The following SEMA3A variants were observed in gnomAD, a reference collection of about 807,000 sequenced individuals.
SEMA3A encodes the protein semaphorin 3A, also known as semaphorin-3A.
SEMA3A carries 29 observed loss-of-function variants against 97.9 expected under a neutral mutation model. The observed-to-expected ratio is 0.30, with a 90% CI of 0.22 to 0.40. SEMA3A has a LOEUF of 0.40. Ranked by LOEUF, SEMA3A falls within the 10% of genes least tolerant of loss-of-function variation. The pLI is 1.00. For missense variants in SEMA3A, 763 were observed against 951.3 expected (o/e 0.80, Z 2.60); for synonymous variants, 321 against 323.7 (o/e 0.99, Z 0.09).
chr7:84,136,152 G>T (rs1222867776), intron 1 of SEMA3A, among the ~76,000 whole-genome samples: 1 of 152,060 alleles, frequency 6.6e-6, no homozygotes, highest in African/African-American at 2.4e-5. Context: ...GATTTTTCGG[G>T]TGCACACTTA....
intron 1 of SEMA3A, among the ~76,000 whole-genome samples, chr7:84,414,042 C>T (rs563948805): frequency 6.6e-6 from 1 of 152,174 alleles, no homozygotes; most frequent in Admixed American, 6.6e-5. Context: ...TTTCTGATTA[C>T]TCTATTAACT....
At chr7:84,054,887 G>A (rs1279125019) in intron 5 of SEMA3A, among the ~76,000 whole-genome samples, 11 of 151,254 alleles carry the variant, frequency 7.3e-5, no homozygotes, top group African/African-American at 2.4e-4. Flanking sequence ...TTTTTGGTGT[G>A]GATGTCCTTT....
intron 5 of SEMA3A, among the ~76,000 whole-genome samples, chr7:84,055,533 G>C (rs11974396): frequency 6.6e-6 from 1 of 152,184 alleles, no homozygotes; most frequent in African/African-American, 2.4e-5. Flanking sequence ...TGCGCTTCCC[G>C]AGTGAGGCTA....
intron 1 of SEMA3A, among the ~76,000 whole-genome samples, chr7:84,488,225 TAG>T (rs1806629679): frequency 6.6e-6 from 1 of 151,996 alleles, no homozygotes; most frequent in Non-Finnish European, 1.5e-5. Context: ...TGTTTTTCAC[TAG>T]AGAGACATAC....
intron 4 of SEMA3A, among the ~76,000 whole-genome samples, chr7:84,088,343 ACTC>A (rs1335085942): frequency 2.0e-5 from 3 of 151,850 alleles, no homozygotes; most frequent in Non-Finnish European, 4.4e-5. Flanking sequence ...AGTCCCAACT[ACTC>A]AGGAAGCTGA....
intron 5 of SEMA3A, among the ~76,000 whole-genome samples, chr7:84,054,332 C>T (rs1370423499): frequency 1.1e-4 from 17 of 152,182 alleles, no homozygotes; most frequent in Non-Finnish European, 2.4e-4. Flanking sequence ...CCATTCTCCC[C>T]GTCACTTTCA....
chr7:84,346,945 A>T (rs1584254700), intron 2 of SEMA3A, among the ~76,000 whole-genome samples: 1 of 152,348 alleles, frequency 6.6e-6, no homozygotes, highest in Admixed American at 6.5e-5. Context: ...GCAAATGAGC[A>T]TATGAAAAGA....
intron 12 of SEMA3A, among the ~76,000 whole-genome samples, chr7:83,992,670 T>C (rs7808766): frequency 0.8 from 119,629 of 150,400 alleles, 47,863 homozygotes; most frequent in East Asian, 0.88. Context: ...TTGATTGCAC[T>C]GTGGTCTGAG....
At chr7:84,352,760 T>C (rs2116031310) in intron 2 of SEMA3A, among the ~76,000 whole-genome samples, 1 of 151,926 alleles carries the variant, frequency 6.6e-6, no homozygotes, top group Non-Finnish European at 1.5e-5. Flanking sequence ...CAATATACTG[T>C]TGTATTCTAA....
intron 15 of SEMA3A, among the ~76,000 whole-genome samples, chr7:83,976,056 G>C (rs1789138047): frequency 6.6e-6 from 1 of 152,096 alleles, no homozygotes. Flanking sequence ...CGAAACACTG[G>C]CTTTATTCAT....
Position 84,046,344 on chromosome 7 carries a change from T to C in SEMA3A, c.647A>G (p.His216Arg), listed in dbSNP as rs1792348032. 2 of 1,613,038 alleles carry C rather than the reference T, an allele frequency of 1.2e-6. No homozygotes were observed. Among genetic ancestry groups the C allele is most frequent in the African/African-American group, 1.3e-5 (1 of 74,850 alleles). ...CCTACCATTGAGCCACCTGGAATCATGCTGCTCTGTCCTGATTGGGTGGTG... is the reference window on the plus strand; with the variant it reads ...CCTACCATTGAGCCACCTGGAATCACGCTGCTCTGTCCTGATTGGGTGGTG... ...GHHHPIRTEQHDSRWLNDPKF... is the reference protein window; with the variant it reads ...GHHHPIRTEQRDSRWLNDPKF... The change falls in exon 6 of 17, where the codon CAT (histidine) becomes CGT (arginine). Residue 216 changes from histidine (H) to arginine (R), a missense_variant. Transcript: ENST00000265362.
chr7:84,340,687 G>A (rs1027135483), intron 2 of SEMA3A, among the ~76,000 whole-genome samples: 1 of 151,322 alleles, frequency 6.6e-6, no homozygotes, highest in Non-Finnish European at 1.5e-5. Context: ...GGCTGGGGCA[G>A]GAGAATGGCT....
intron 3 of SEMA3A, among the ~76,000 whole-genome samples, chr7:84,302,470 T>G (rs983400833): frequency 3.3e-5 from 5 of 152,156 alleles, no homozygotes; most frequent in Admixed American, 3.3e-4. Context: ...ATGCAGAGTG[T>G]TTTGCCTTTC....
At chr7:84,096,155 T>C (rs1794765450) in intron 4 of SEMA3A, among the ~76,000 whole-genome samples, 1 of 151,950 alleles carries the variant, frequency 6.6e-6, no homozygotes, top group Non-Finnish European at 1.5e-5. Context: ...GCAGTGAGAG[T>C]GAAGGCAATG....
At chr7:84,425,826 T>C (rs897181591) in intron 1 of SEMA3A, among the ~76,000 whole-genome samples, 1 of 138,064 alleles carries the variant, frequency 7.2e-6, no homozygotes, top group Non-Finnish European at 1.5e-5. Flanking sequence ...CAATATATCA[T>C]ATATATATAA....
chr7:84,166,590 C>CG (rs1174164596), intron 1 of SEMA3A, among the ~76,000 whole-genome samples: 57 of 137,512 alleles, frequency 4.1e-4, no homozygotes, highest in African/African-American at 1.1e-3. Context: ...AAAAAATTGC[C>CG]GGGGGGGCGC....
chr7:84,368,364 C>T (rs576562338), intron 2 of SEMA3A, among the ~76,000 whole-genome samples: 1 of 150,944 alleles, frequency 6.6e-6, no homozygotes, highest in Non-Finnish European at 1.5e-5. Context: ...TCATTGTCAT[C>T]TTTGATGAGT....
intron 3 of SEMA3A, among the ~76,000 whole-genome samples, chr7:84,281,932 T>C (rs1003502321): frequency 6.6e-6 from 1 of 152,206 alleles, no homozygotes. Context: ...TTTCTTTTTC[T>C]TCTGTATCTT....
At chr7:84,252,468 C>CTA (rs1799630625) in intron 3 of SEMA3A, among the ~76,000 whole-genome samples, 1 of 152,170 alleles carries the variant, frequency 6.6e-6, no homozygotes, top group Admixed American at 6.5e-5. Context: ...GCAAAATGGG[C>CTA]TACATGTAAC....
Sources: allele counts gnomAD v4.1 joint callset (sites outside exome capture counted in the v4.1 genomes callset), GRCh38; gene constraint gnomAD v4.1.1; transcripts MANE v1.5; gene names NCBI Gene and HGNC (gene_info 2026-07-23, HGNC 2026-07-21).